TRIM59: variants seen among roughly 807,000 people sequenced by gnomAD.
TRIM59 encodes the protein tripartite motif containing 59.
TRIM59 carries 14 observed loss-of-function variants against 32.2 expected under a neutral mutation model. The ratio of observed to expected loss-of-function variants is 0.43; its 90% CI spans 0.29 to 0.68. The LOEUF is 0.68. Among genes scored for constraint, TRIM59 ranks in the 30% least tolerant of loss-of-function variants. The pLI is 0.15. For synonymous variants in TRIM59, 163 were observed against 155.1 expected (o/e 1.05, Z -0.38); for missense variants, 471 against 463.3 (o/e 1.02, Z -0.15).
In TRIM59 at chr3:160,436,425, T is replaced by G. The variant is rs182320805; in HGVS notation, c.*1547A>C. 1.6e-5 allele frequency: 16 copies of G among 985,936 alleles called. No individual in the cohort carries two copies. The highest frequency in any genetic ancestry group is 5.2e-4 in the Middle Eastern group (1 of 1,914). 61.1% of individuals were successfully genotyped at this position (985,936 alleles called of 1,614,324 possible). ...ACAGTGGGCCAAAAGTCGTAACACATGCATCATAACTCCAGTCCCTGTTAA... is the reference window on the plus strand; with the variant it reads ...ACAGTGGGCCAAAAGTCGTAACACAGGCATCATAACTCCAGTCCCTGTTAA... On this transcript the variant is annotated 3_prime_UTR_variant, in exon 3 of 3. Transcript: ENST00000309784.
chr3:160,436,309 G>C lies in TRIM59; in HGVS notation c.*1663C>G. ...CTAATCTGACCCAGAATGTCTTTTT[G>C]ATTTGATATAGGTAAGGCTCTTCGG... On this transcript the variant is annotated 3_prime_UTR_variant, in exon 3 of 3. Transcript: ENST00000309784. The C allele has an allele frequency of 1.0e-6, 1 of 987,172 alleles. No homozygotes were observed. The highest frequency in any genetic ancestry group is 1.2e-6 in the Non-Finnish European group (1 of 830,888). 61.2% of individuals were successfully genotyped at this position (987,172 alleles called of 1,614,324 possible).
Position 160,447,837 on chromosome 3 carries a change from A to C in TRIM59, c.-4+889T>G, listed in dbSNP as rs527730046. 18 of 152,382 alleles carry C rather than the reference A, an allele frequency of 1.2e-4. No individual in the cohort carries two copies. In the South Asian group the frequency reaches 3.5e-3, roughly 30 times the overall value. 9.4% of individuals were successfully genotyped at this position (152,382 alleles called of 1,614,324 possible). A position where few individuals can be genotyped will look rare whatever the true frequency, so the allele number is the denominator to read the frequency against. ...CAAACTGGGGCTCACATCTTTGTGG[A>C]CCTAACTGATAAAGAAGAAATACAT... is the stretch of plus-strand genomic sequence containing the variant. On this transcript the variant is annotated intron_variant, in intron 2 of 2. Coordinates refer to ENST00000309784, the MANE Select transcript of TRIM59 (RefSeq NM_173084.3).
intron 2 of TRIM59, among the ~76,000 whole-genome samples, chr3:160,445,571 C>G (rs1404332014): frequency 6.6e-6 from 1 of 151,958 alleles, no homozygotes; most frequent in Non-Finnish European, 1.5e-5. Flanking sequence ...GTCAGGAGTT[C>G]AAGACCAGCC....
In TRIM59 at chr3:160,435,512, A is replaced by T; in HGVS notation, c.*2460T>A. 5.8e-6 allele frequency: 1 copy of T among 171,844 alleles called. No individual in the cohort carries two copies. Among genetic ancestry groups the T allele is most frequent in the Non-Finnish European group, 1.2e-5 (1 of 80,330 alleles). 10.6% of individuals were successfully genotyped at this position (171,844 alleles called of 1,614,324 possible). Reference sequence around the variant, plus strand: ...ATTAAGACAGTGCAAATAAAATATCAAAAGAAGTTTATTAAAATACATATT... The same window carrying T: ...ATTAAGACAGTGCAAATAAAATATCTAAAGAAGTTTATTAAAATACATATT... On this transcript the variant is annotated 3_prime_UTR_variant, in exon 3 of 3. Coordinates refer to ENST00000309784, the MANE Select transcript of TRIM59 (RefSeq NM_173084.3).
At position 160,435,965 on chromosome 3, in the gene TRIM59, T is replaced by G; in HGVS notation, c.*2007A>C. 1 of 1,277,480 alleles carries G rather than the reference T, an allele frequency of 7.8e-7. No individual in the cohort carries two copies. The highest frequency in any genetic ancestry group is 1.0e-6 in the Non-Finnish European group (1 of 984,070). The allele number at this position is 1,277,480 out of a possible 1,614,324, so 79.1% of individuals were successfully genotyped here. On this transcript the variant is annotated 3_prime_UTR_variant, in exon 3 of 3. Transcript: ENST00000309784. ...GTAGTTTAACACATAATGGCTAACATTTCATTGCTTACGTGTTTTTGAAAC... is the reference window on the plus strand; with the variant it reads ...GTAGTTTAACACATAATGGCTAACAGTTCATTGCTTACGTGTTTTTGAAAC...
At chr3:160,440,049 A>C (rs891972996) in intron 2 of TRIM59, among the ~76,000 whole-genome samples, 1 of 152,236 alleles carries the variant, frequency 6.6e-6, no homozygotes, top group African/African-American at 2.4e-5. Flanking sequence ...AATGGTTTCT[A>C]AAGCAAGCTA....
At position 160,439,518 on chromosome 3, in the gene TRIM59, T is replaced by C. The variant is rs547574924; in HGVS notation, c.-3-332A>G. Among the ~76,000 whole-genome samples the C allele has an allele frequency of 1.5e-3, 232 of 152,332 alleles. 5 individuals are homozygous for C. The South Asian group carries it at 0.047, about 31-fold the overall frequency. On this transcript the variant is annotated intron_variant, in intron 2 of 2. Coordinates refer to ENST00000309784, the MANE Select transcript of TRIM59 (RefSeq NM_173084.3). Reference sequence around the variant, plus strand: ...GTCTCCACCCAAATCTCATCTTGAATTGTAGCTCCCATAATTCCCACATGT... The same window carrying C: ...GTCTCCACCCAAATCTCATCTTGAACTGTAGCTCCCATAATTCCCACATGT...
intron 2 of TRIM59, among the ~76,000 whole-genome samples, chr3:160,445,148 C>CTCATACCT: frequency 6.6e-6 from 1 of 151,946 alleles, no homozygotes; most frequent in South Asian, 2.1e-4. Context: ...GGTGTAATGG[C>CTCATACCT]TCATACCTGT....
At chr3:160,445,327 G>A (rs1320533868) in intron 2 of TRIM59, among the ~76,000 whole-genome samples, 1 of 151,784 alleles carries the variant, frequency 6.6e-6, no homozygotes, top group Admixed American at 6.6e-5. Context: ...GAGGAGGGAG[G>A]ATTGCTTGAG....
rs566603339 is a variant in TRIM59 at position 160,437,315 on chromosome 3, C to T, written c.*657G>A. ...ACTGCAGTGAGTCATGACCAGACAA[C>T]TACACTCCAGCCTGGGCAACAAGGT... On this transcript the variant is annotated 3_prime_UTR_variant, in exon 3 of 3. Coordinates refer to ENST00000309784, the MANE Select transcript of TRIM59 (RefSeq NM_173084.3). 3.2e-6 allele frequency: 3 copies of T among 943,302 alleles called. No homozygotes were observed. Among genetic ancestry groups the T allele is most frequent in the Non-Finnish European group, 3.8e-6 (3 of 791,832 alleles). The allele number at this position is 943,302 out of a possible 1,614,324, so 58.4% of individuals were successfully genotyped here. A position where few individuals can be genotyped will look rare whatever the true frequency, so the allele number is the denominator to read the frequency against.
rs1214156164 is a variant in TRIM59, at chr3:160,436,065, A to T, written c.*1907T>A. On this transcript the variant is annotated 3_prime_UTR_variant, in exon 3 of 3. Transcript: ENST00000309784. ...TTAGTATTTTTATCTCTAGCTGAGT[A>T]TGTGTCTCTCCTTACCTCTACTATG... 2 of 1,173,260 alleles carry T rather than the reference A, an allele frequency of 1.7e-6. No individual in the cohort carries two copies. The highest frequency in any genetic ancestry group is 1.6e-5 in the African/African-American group (1 of 61,930). 72.7% of individuals were successfully genotyped at this position (1,173,260 alleles called of 1,614,324 possible).
In TRIM59 at chr3:160,436,731, G is replaced by A. The variant is rs2108513049; in HGVS notation, c.*1241C>T. The A allele has an allele frequency of 3.0e-6, 2 of 666,612 alleles. No individual in the cohort carries two copies. Among genetic ancestry groups the A allele is most frequent in the Non-Finnish European group, 1.9e-6 (1 of 539,644 alleles). The allele number at this position is 666,612 out of a possible 1,614,324, so 41.3% of individuals were successfully genotyped here. ...GAGAATGGTGTGAACCCGGGAGGCG[G>A]GGCTTGCAATGAGCCGAGATCACGC... is the stretch of plus-strand genomic sequence containing the variant. On this transcript the variant is annotated 3_prime_UTR_variant, in exon 3 of 3. Transcript: ENST00000309784.
chr3:160,436,550 G>C lies in TRIM59; in HGVS notation c.*1422C>G. ...GTGGCGGCTCACGCCTATAATCCCA[G>C]CATTTTGGGAGGCTGAGGCGAGTGG... On this transcript the variant is annotated 3_prime_UTR_variant, in exon 3 of 3. Transcript: ENST00000309784. 1.0e-6 allele frequency: 1 copy of C among 983,714 alleles called. No homozygotes were observed. The highest frequency in any genetic ancestry group is 1.7e-5 in the African/African-American group (1 of 57,334). The allele number at this position is 983,714 out of a possible 1,614,324, so 60.9% of individuals were successfully genotyped here.
At chr3:160,441,474 C>G (rs1577014808) in intron 2 of TRIM59, among the ~76,000 whole-genome samples, 1 of 152,154 alleles carries the variant, frequency 6.6e-6, no homozygotes, top group Middle Eastern at 3.4e-3. Flanking sequence ...TCCATTCAGG[C>G]CAGGTGCGGG....
chr3:160,440,867 C>T (rs1317173137), intron 2 of TRIM59, among the ~76,000 whole-genome samples: 1 of 152,066 alleles, frequency 6.6e-6, no homozygotes, highest in East Asian at 1.9e-4. Context: ...GCCAAGATTA[C>T]ACCACCGCAC....
At chr3:160,449,642 A>C (rs1193353266) in intron 1 of TRIM59, 75 bp downstream of exon 1, 2 of 1,289,776 alleles carry the variant, frequency 1.6e-6, no homozygotes, top group Non-Finnish European at 2.0e-6. Context: ...CACTAGGCAC[A>C]CCAGACTGTG....
intron 2 of TRIM59, among the ~76,000 whole-genome samples, chr3:160,446,877 G>C (rs112763601): frequency 6.6e-6 from 1 of 152,234 alleles, no homozygotes; most frequent in African/African-American, 2.4e-5. Context: ...GATGATGTGC[G>C]GTAGAACAGT....
chr3:160,437,243 G>GC lies in TRIM59; in HGVS notation c.*728dup. 1.7e-6 allele frequency: 1 copy of GC among 585,070 alleles called. No individual in the cohort carries two copies. The highest frequency in any genetic ancestry group is 2.2e-6 in the Non-Finnish European group (1 of 464,844). 36.2% of individuals were successfully genotyped at this position (585,070 alleles called of 1,614,324 possible). ...TGGGGGTGTGTGCCTTGTCCCAGCT[G>GC]CTCCAGAGGCAGAGGCGGGAGGATC... On this transcript the variant is annotated 3_prime_UTR_variant, in exon 3 of 3. Transcript: ENST00000309784.
Position 160,449,760 on chromosome 3 carries a change from C to G in TRIM59, c.-117G>C. 1 of 1,284,640 alleles carries G rather than the reference C, an allele frequency of 7.8e-7. No homozygotes were observed. Among genetic ancestry groups the G allele is most frequent in the East Asian group, 5.6e-5 (1 of 18,002 alleles). 79.6% of individuals were successfully genotyped at this position (1,284,640 alleles called of 1,614,324 possible). ...CAGGCAACTCCACAGCACGGAAACA[C>G]AGCGCCACGAGCTCCAGGCGGATGC... On this transcript the variant is annotated 5_prime_UTR_variant, in exon 1 of 3. Coordinates refer to ENST00000309784, the MANE Select transcript of TRIM59 (RefSeq NM_173084.3).
Sources: gnomAD v4.1 joint callset for allele counts (sites outside exome capture counted in the v4.1 genomes callset) on GRCh38, gnomAD v4.1.1 for gene constraint, MANE v1.5 for transcripts, NCBI Gene and HGNC (gene_info 2026-07-23, HGNC 2026-07-21) for gene names.